The following MAOA variants were observed in gnomAD, a reference collection of about 807,000 sequenced individuals.
MAOA encodes the protein monoamine oxidase A.
Under a neutral mutation model 42.0 loss-of-function variants are expected in MAOA, and 6 were observed. The ratio of observed to expected loss-of-function variants is 0.14; its 90% CI spans 0.08 to 0.28. MAOA has a LOEUF of 0.28. MAOA is among the 10% of genes least tolerant of loss of function. The pLI is 1.00. For missense variants in MAOA, 262 were observed against 422.3 expected (o/e 0.62, Z 3.33); for synonymous variants, 140 against 154.0 (o/e 0.91, Z 0.67).
Position 43,713,669 on chromosome X carries a change from T to C in MAOA, c.503+873T>C, listed in dbSNP as rs773475047. The stretch of plus-strand genomic sequence containing the variant: ...AGGAATAGCCCCTACCCTCATGGAG[T>C]TTATGTTTTTCTAGCAGGCAAGACT... On this transcript the variant is annotated intron_variant, in intron 5 of 14. Transcript: ENST00000338702. 1.4e-3 allele frequency among the ~76,000 whole-genome samples: 159 copies of C among 110,856 alleles called. 2 individuals are homozygous for C. The highest frequency in any genetic ancestry group is 2.8e-3 in the Non-Finnish European group (148 of 52,886).
rs1307598032 is a variant in MAOA at position 43,744,855 on chromosome X, A to T, written c.*342A>T. Reference sequence around the variant, plus strand: ...TATTCCCTTCAATGCAAAATACATGATGATTTCAGAAACAAAGCATTTGAC... The same window carrying T: ...TATTCCCTTCAATGCAAAATACATGTTGATTTCAGAAACAAAGCATTTGAC... On this transcript the variant is annotated 3_prime_UTR_variant, in exon 15 of 15. Transcript: ENST00000338702. 1 of 270,281 alleles carries T rather than the reference A, an allele frequency of 3.7e-6. No individual in the cohort carries two copies. Among genetic ancestry groups the T allele is most frequent in the Non-Finnish European group, 6.7e-6 (1 of 149,291 alleles). The allele number at this position is 270,281 out of a possible 1,213,427, so 22.3% of individuals were successfully genotyped here.
In MAOA at chrX:43,731,143, G is replaced by A; in HGVS notation, c.646-98G>A. The A allele has an allele frequency of 3.6e-6, 3 of 834,063 alleles. No individual in the cohort carries two copies. The South Asian group carries it at 6.2e-5, about 17-fold the overall frequency. 68.7% of individuals were successfully genotyped at this position (834,063 alleles called of 1,213,427 possible). Reference sequence around the variant, plus strand: ...TAAGTGTGCAGACGTTAGAGGTGTGGCCTGTGACTTTCTGGAGGTTTTCTA... The same window carrying A: ...TAAGTGTGCAGACGTTAGAGGTGTGACCTGTGACTTTCTGGAGGTTTTCTA... On this transcript the variant is annotated intron_variant, in intron 6 of 14. Coordinates refer to ENST00000338702, the MANE Select transcript of MAOA (RefSeq NM_000240.4).
chrX:43,677,023 G>T (rs1443400094), intron 1 of MAOA, among the ~76,000 whole-genome samples: 1 of 111,248 alleles, frequency 9.0e-6, no homozygotes, highest in Non-Finnish European at 1.9e-5. Flanking sequence ...GAAAAGGGTG[G>T]CATGAGTCTA....
chrX:43,715,963 G>C (rs371175442), intron 5 of MAOA, among the ~76,000 whole-genome samples: 16 of 109,913 alleles, frequency 1.5e-4, no homozygotes, highest in African/African-American at 4.3e-4. Flanking sequence ...TGAGCCACAC[G>C]GTTGGTGGCG....
intron 3 of MAOA, among the ~76,000 whole-genome samples, chrX:43,705,264 G>A (rs1471302094): frequency 2.7e-5 from 3 of 112,333 alleles, no homozygotes; most frequent in African/African-American, 6.5e-5. Flanking sequence ...ACTTCTATAA[G>A]GATAAACATA....
intron 1 of MAOA, among the ~76,000 whole-genome samples, chrX:43,672,979 T>A (rs771718964): frequency 9.0e-6 from 1 of 111,695 alleles, no homozygotes; most frequent in East Asian, 2.8e-4. Flanking sequence ...GGATTCTCTC[T>A]TTTTCTATTG....
chrX:43,708,042 T>C (rs184631413), intron 3 of MAOA, among the ~76,000 whole-genome samples: 1 of 112,051 alleles, frequency 8.9e-6, no homozygotes, highest in East Asian at 2.8e-4. Context: ...AGTCTCCTGT[T>C]ATTGTGAACA....
Position 43,656,317 on chromosome X carries a change from G to A in MAOA, c.-25G>A. The A allele has an allele frequency of 8.3e-7, 1 of 1,203,660 alleles. No homozygotes were observed. Among genetic ancestry groups the A allele is most frequent in the South Asian group, 1.8e-5 (1 of 56,754 alleles). ...TTGCCGTCCCCACTCCTGTGCCTAC[G>A]ACCCAGGAGCGTGTCAGCCAAAGCA... On this transcript the variant is annotated 5_prime_UTR_variant, in exon 1 of 15. Coordinates refer to ENST00000338702, the MANE Select transcript of MAOA (RefSeq NM_000240.4).
intron 4 of MAOA, 57 bp from the exon 5 acceptor site, chrX:43,712,648 C>A: frequency 2.5e-6 from 2 of 791,148 alleles, no homozygotes; most frequent in Non-Finnish European, 3.9e-6. Flanking sequence ...TGAGGGCCTT[C>A]CCGAGAAGAG....
chrX:43,720,166 A>G (rs1177214227), intron 5 of MAOA, among the ~76,000 whole-genome samples: 2 of 110,516 alleles, frequency 1.8e-5, no homozygotes, highest in Admixed American at 9.6e-5. Context: ...TCTTCCAGGA[A>G]TGAACCACAC....
intron 4 of MAOA, 131 bp downstream of exon 4, chrX:43,712,107 C>A: frequency 1.9e-6 from 1 of 533,893 alleles, no homozygotes. Context: ...ACCCAAACTG[C>A]AAAGTTGGTC....
chrX:43,704,129 T>G (rs1377356722), intron 3 of MAOA, among the ~76,000 whole-genome samples: 1 of 111,311 alleles, frequency 9.0e-6, no homozygotes, highest in Non-Finnish European at 1.9e-5. Flanking sequence ...GGAGGAAAGA[T>G]TTCTCAATTC....
At chrX:43,682,901 C>T (rs1269918241) in intron 1 of MAOA, among the ~76,000 whole-genome samples, 2 of 111,546 alleles carry the variant, frequency 1.8e-5, no homozygotes. Context: ...TTTTATCTAT[C>T]CTGAAGGCTT....
chrX:43,682,102 C>T (rs373062342), intron 1 of MAOA, among the ~76,000 whole-genome samples: 4 of 110,613 alleles, frequency 3.6e-5, no homozygotes, highest in East Asian at 2.9e-4. Context: ...AGGATGGTCT[C>T]GATCTCTTGA....
intron 12 of MAOA, 102 bp from the exon 13 acceptor site, chrX:43,743,692 G>A: frequency 1.0e-6 from 1 of 992,911 alleles, no homozygotes; most frequent in Non-Finnish European, 1.4e-6. Flanking sequence ...TAAACAGTCT[G>A]AATTTCTGTG....
intron 1 of MAOA, among the ~76,000 whole-genome samples, chrX:43,673,540 G>T: frequency 1.9e-5 from 2 of 107,847 alleles, no homozygotes; most frequent in Non-Finnish European, 3.8e-5. Context: ...GTGATGTTAG[G>T]GTGTCAATTT....
chrX:43,665,858 G>GA (rs1295244556), intron 1 of MAOA, among the ~76,000 whole-genome samples: 5 of 92,152 alleles, frequency 5.4e-5, no homozygotes, highest in Admixed American at 2.3e-4. Flanking sequence ...AGATAGATAG[G>GA]AATGGTTTTA....
At chrX:43,663,308 C>A (rs1275285528) in intron 1 of MAOA, among the ~76,000 whole-genome samples, 1 of 111,582 alleles carries the variant, frequency 9.0e-6, no homozygotes, top group African/African-American at 3.3e-5. Context: ...TGTTTAAAAC[C>A]CTTTTCTAGT....
intron 1 of MAOA, among the ~76,000 whole-genome samples, chrX:43,656,835 C>G (rs765684179): frequency 3.6e-5 from 4 of 109,613 alleles, no homozygotes; most frequent in African/African-American, 1.0e-4. Flanking sequence ...ACGATTTTCT[C>G]CCATTTAAGA....
Sources: gnomAD v4.1 joint callset for allele counts (sites outside exome capture counted in the v4.1 genomes callset) on GRCh38, gnomAD v4.1.1 for gene constraint, MANE v1.5 for transcripts, NCBI Gene and HGNC (gene_info 2026-07-23, HGNC 2026-07-21) for gene names.